TM9SF3: variants seen among roughly 807,000 people sequenced by gnomAD.
TM9SF3 encodes transmembrane 9 superfamily member 3.
A neutral mutation model predicts 78.6 loss-of-function variants in TM9SF3; 14 were observed. The observed-to-expected ratio is 0.18, with a 90% CI of 0.12 to 0.28. TM9SF3 has a LOEUF of 0.28. Ranked by LOEUF, TM9SF3 falls within the 10% of genes least tolerant of loss-of-function variation. The probability of loss-of-function intolerance (pLI) is 1.00; values close to 1 mark genes in which losing one functional copy is unlikely to be tolerated. For synonymous variants in TM9SF3, 231 were observed against 241.7 expected, an observed-to-expected ratio of 0.96 and a Z score of 0.41; for missense variants, 496 against 721.9, an observed-to-expected ratio of 0.69 and a Z score of 3.59.
At position 96,533,176 on chromosome 10, in the gene TM9SF3, G is replaced by A; in HGVS notation, c.1200C>T (p.Cys400=). ...IPFGTMVAVC[C]ICFFVILPLN... ...GAGGAAGAATAACAAAAAAACAGAT[G>A]CAACAAACGGCCACCTGTAAATTAA... The change falls in exon 10 of 15, where the codon TGC becomes TGT. Residue 400 remains cysteine, a synonymous_variant. Transcript: ENST00000371142. 3.1e-6 allele frequency: 5 copies of A among 1,613,428 alleles called. No homozygotes were observed. Among genetic ancestry groups the A allele is most frequent in the Non-Finnish European group, 4.2e-6 (5 of 1,179,676 alleles).
intron 5 of TM9SF3, among the ~76,000 whole-genome samples, chr10:96,554,817 C>A (rs1848215519): frequency 6.6e-6 from 1 of 152,186 alleles, no homozygotes; most frequent in Non-Finnish European, 1.5e-5. Context: ...TCATATATAA[C>A]ACTTGTTTCT....
chr10:96,576,797 C>A lies in TM9SF3; in HGVS notation c.135G>T (p.Met45Ile). Residue 45 changes from methionine (M) to isoleucine (I), a missense_variant, in exon 2 of 15, where the codon ATG (methionine) becomes ATT (isoleucine). Met to Ile is a conservative substitution (Grantham distance 10). This residue lies in a region of TM9SF3 where 155 missense variants were observed against 241.6 expected (regional missense o/e 0.64). Transcript: ENST00000371142. ...GATTATGGTAGGGCCCAACAGTATT[C>A]ATCCATAAGACAACTTCCTCTTTAT... ...YQDKEEVVLWMNTVGPYHNRQ... is the reference protein window; with the variant it reads ...YQDKEEVVLWINTVGPYHNRQ... The A allele has an allele frequency of 6.4e-7, 1 of 1,551,858 alleles. No individual in the cohort carries two copies. Among genetic ancestry groups the A allele is most frequent in the Non-Finnish European group, 8.7e-7 (1 of 1,155,088 alleles).
chr10:96,570,398 T>A (rs1036469462), intron 2 of TM9SF3, among the ~76,000 whole-genome samples: 1 of 152,238 alleles, frequency 6.6e-6, no homozygotes, highest in Non-Finnish European at 1.5e-5. Flanking sequence ...ATTGTGTATT[T>A]GAACTTCTAT....
At chr10:96,552,883 C>T in intron 6 of TM9SF3, 45 bp downstream of exon 6, 3 of 1,435,964 alleles carry the variant, frequency 2.1e-6, no homozygotes. Flanking sequence ...AAACTTAACA[C>T]TCAGTTAAAA....
intron 5 of TM9SF3, among the ~76,000 whole-genome samples, chr10:96,558,735 T>A (rs1848267724): frequency 6.6e-6 from 1 of 151,622 alleles, no homozygotes; most frequent in Non-Finnish European, 1.5e-5. Flanking sequence ...TAGGTTCCGG[T>A]AGAGTCTAAG....
chr10:96,531,095 A>G (rs1179529068), intron 10 of TM9SF3, among the ~76,000 whole-genome samples: 3 of 152,186 alleles, frequency 2.0e-5, no homozygotes, highest in Non-Finnish European at 4.4e-5. Context: ...AGGTATTATG[A>G]GTTCTTATTT....
At chr10:96,568,535 A>G (rs1848403996) in intron 2 of TM9SF3, among the ~76,000 whole-genome samples, 1 of 152,238 alleles carries the variant, frequency 6.6e-6, no homozygotes, top group Non-Finnish European at 1.5e-5. Context: ...AGTTCCCAAT[A>G]AAACTCCAGG....
chr10:96,556,405 G>A (rs1399056810), intron 5 of TM9SF3, among the ~76,000 whole-genome samples: 2 of 152,208 alleles, frequency 1.3e-5, no homozygotes, highest in Non-Finnish European at 2.9e-5. Flanking sequence ...AACAGAAGCT[G>A]AAGAACTGAA....
intron 10 of TM9SF3, among the ~76,000 whole-genome samples, 195 bp downstream of exon 10, chr10:96,532,856 G>A (rs1461523114): frequency 3.3e-5 from 5 of 152,192 alleles, no homozygotes; most frequent in African/African-American, 1.2e-4. Flanking sequence ...TATTCAGAAA[G>A]TGGAATAAGG....
chr10:96,527,654 G>T, intron 12 of TM9SF3, 158 bp from the exon 13 acceptor site: 1 of 585,876 alleles, frequency 1.7e-6, no homozygotes. Flanking sequence ...TTATCAACAA[G>T]GAAAACATCT....
chr10:96,578,107 C>T (rs1693139472), intron 1 of TM9SF3, among the ~76,000 whole-genome samples: 1 of 152,148 alleles, frequency 6.6e-6, no homozygotes, highest in African/African-American at 2.4e-5. Flanking sequence ...TTACCAAAAA[C>T]ATCTGCCTTT....
At chr10:96,586,710 G>C (rs1481190232) in intron 1 of TM9SF3, 24 bp downstream of exon 1, 1 of 1,221,726 alleles carries the variant, frequency 8.2e-7, no homozygotes, top group African/African-American at 1.6e-5. Context: ...GCCCGGGGCG[G>C]CCGCGCCGGC....
chr10:96,520,686 C>T lies in TM9SF3; in HGVS notation c.*1577G>A. The stretch of plus-strand genomic sequence containing the variant: ...TATTCAAATCACTTCTCTTACAAAA[C>T]TGTAACCTTTATTTGTTGATCCAAC... On this transcript the variant is annotated 3_prime_UTR_variant, in exon 15 of 15. Coordinates refer to ENST00000371142, the MANE Select transcript of TM9SF3 (RefSeq NM_020123.4). 2.6e-6 allele frequency: 1 copy of T among 388,304 alleles called. No individual in the cohort carries two copies. The highest frequency in any genetic ancestry group is 4.6e-6 in the Non-Finnish European group (1 of 219,122). 24.1% of individuals were successfully genotyped at this position (388,304 alleles called of 1,614,324 possible). A position where few individuals can be genotyped will look rare whatever the true frequency, so the allele number is the denominator to read the frequency against.
intron 10 of TM9SF3, 31 bp from the exon 11 acceptor site, chr10:96,530,639 C>T (rs754250952): frequency 2.5e-5 from 39 of 1,568,148 alleles, no homozygotes; most frequent in Non-Finnish European, 3.4e-5. Flanking sequence ...TAGTAAACTT[C>T]TAGTATGATT....
intron 4 of TM9SF3, chr10:96,560,858 CA>C: frequency 1.9e-6 from 1 of 537,910 alleles, no homozygotes; most frequent in South Asian, 1.4e-5. Context: ...CCTAAAACAC[CA>C]AAAGGACCTA....
intron 1 of TM9SF3, among the ~76,000 whole-genome samples, chr10:96,584,062 A>C (rs1486292847): frequency 6.6e-6 from 1 of 152,144 alleles, no homozygotes; most frequent in Non-Finnish European, 1.5e-5. Context: ...CAAACAAAAA[A>C]AAACAGTGCA....
intron 14 of TM9SF3, among the ~76,000 whole-genome samples, chr10:96,524,008 C>T (rs1460945351): frequency 6.6e-6 from 1 of 151,458 alleles, no homozygotes; most frequent in African/African-American, 2.4e-5. Flanking sequence ...CTTGAAATGA[C>T]ATAAGGTCTA....
chr10:96,560,541 G>A, intron 4 of TM9SF3: 1 of 706,834 alleles, frequency 1.4e-6, no homozygotes, highest in Non-Finnish European at 2.6e-6. Context: ...AGTAGCTGTG[G>A]AGGAAGATGC....
rs951226213 is a variant in TM9SF3 at position 96,586,817 on chromosome 10, C to G, written c.19G>C (p.Ala7Pro). The change falls in exon 1 of 15, where the codon GCT (alanine) becomes CCT (proline). Residue 7 changes from alanine to proline, a missense_variant. Physicochemically the swap from Ala to Pro is conservative, Grantham distance 27. This residue lies in a region of TM9SF3 where 58 missense variants were observed against 32.9 expected (regional missense o/e 1.76). Coordinates refer to ENST00000371142, the MANE Select transcript of TM9SF3 (RefSeq NM_020123.4). ...GCGGCGGCCGCCGCCACGCCAAGAGCGCCAGGCAGCGGCCTCATCCTCCGC... is the reference window on the plus strand; with the variant it reads ...GCGGCGGCCGCCGCCACGCCAAGAGGGCCAGGCAGCGGCCTCATCCTCCGC... MRPLPGALGVAAAAALW... is the reference protein window; with the variant it reads MRPLPGPLGVAAAAALW... 4.0e-6 allele frequency: 5 copies of G among 1,255,240 alleles called. No homozygotes were observed. The South Asian group carries it at 8.7e-5, about 22-fold the overall frequency. 77.8% of individuals were successfully genotyped at this position (1,255,240 alleles called of 1,614,324 possible). A position where few individuals can be genotyped will look rare whatever the true frequency, so the allele number is the denominator to read the frequency against.
Sources: gnomAD v4.1 joint callset for allele counts (sites outside exome capture counted in the v4.1 genomes callset) on GRCh38, gnomAD v4.1.1 for gene constraint, gnomAD v4.1.1 regional missense constraint, MANE v1.5 for transcripts, NCBI Gene and HGNC (gene_info 2026-07-23, HGNC 2026-07-21) for gene names.